Variants in MMD2 observed in about 807,000 individuals in gnomAD.
MMD2 encodes the protein monocyte to macrophage differentiation associated 2, also known as monocyte to macrophage differentiation factor 2.
In MMD2, 30 loss-of-function variants were observed where a neutral mutation model predicts 33.5. That is an observed-to-expected ratio of 0.90 (90% confidence interval 0.67 to 1.22). MMD2 has a LOEUF of 1.22. MMD2 is among the 50% of genes most tolerant of loss of function. The pLI is 0.00. For synonymous variants in MMD2, 129 were observed against 123.0 expected, an observed-to-expected ratio of 1.05 and a Z score of -0.32; for missense variants, 364 against 325.4, an observed-to-expected ratio of 1.12 and a Z score of -0.91.
Position 4,911,214 on chromosome 7 carries a change from G to C in MMD2, c.398C>G (p.Ser133Cys). ...AATCCAGACCAGCCAGCGCATGTGG[G>C]AGGCCCAGGGGCCCAGCTCCCGAAG... ...LNLRELGPWA[S>C]HMRWLVWIMA... Residue 133 changes from serine to cysteine, a missense_variant, in exon 5 of 7, where the codon TCC (serine) becomes TGC (cysteine). Coordinates refer to ENST00000401401, the MANE Select transcript of MMD2 (RefSeq NM_198403.4). 4 of 1,600,826 alleles carry C rather than the reference G, an allele frequency of 2.5e-6. No homozygotes were observed. Among genetic ancestry groups the C allele is most frequent in the Non-Finnish European group, 3.4e-6 (4 of 1,174,246 alleles).
chr7:4,928,548 A>G (rs1345033649), intron 1 of MMD2, among the ~76,000 whole-genome samples: 1 of 152,000 alleles, frequency 6.6e-6, no homozygotes, highest in Non-Finnish European at 1.5e-5. Flanking sequence ...CTCATGGAGC[A>G]CTTATTAGGC....
intron 6 of MMD2, 122 bp downstream of exon 6, chr7:4,909,759 C>G: frequency 2.2e-6 from 3 of 1,339,878 alleles, no homozygotes; most frequent in Non-Finnish European, 3.1e-6. Context: ...ACAAGTCATG[C>G]CAGGCCTCAG....
intron 1 of MMD2, among the ~76,000 whole-genome samples, chr7:4,944,928 T>A (rs1171408717): frequency 6.7e-6 from 1 of 149,532 alleles, no homozygotes; most frequent in African/African-American, 2.5e-5. Context: ...CCACCATGCC[T>A]GGCTAATTTT....
At chr7:4,910,663 C>G (rs983122316) in intron 5 of MMD2, among the ~76,000 whole-genome samples, 2 of 152,018 alleles carry the variant, frequency 1.3e-5, no homozygotes, top group Admixed American at 6.6e-5. Flanking sequence ...GAGTCTTGCT[C>G]TGTCGCCCAG....
rs571765661 is a variant in MMD2, at chr7:4,938,508, G to A, written c.48-12976C>T. On this transcript the variant is annotated intron_variant, in intron 1 of 6. Coordinates refer to ENST00000401401, the MANE Select transcript of MMD2 (RefSeq NM_198403.4). ...CCACTAATGCCTCACCCTCAAGACC[G>A]CAGCTAATCCTAATCACCTCCCAAA... 7.2e-5 allele frequency among the ~76,000 whole-genome samples: 11 copies of A among 152,140 alleles called. No homozygotes were observed. The East Asian group carries it at 1.9e-3, about 27-fold the overall frequency.
intron 1 of MMD2, among the ~76,000 whole-genome samples, chr7:4,927,915 T>C (rs1435231444): frequency 2.0e-5 from 3 of 152,168 alleles, no homozygotes; most frequent in African/African-American, 4.8e-5. Flanking sequence ...CCAGCCCTGG[T>C]TGACTCCGAC....
chr7:4,906,919 A>C lies in MMD2; in HGVS notation c.*477T>G. On this transcript the variant is annotated 3_prime_UTR_variant, in exon 7 of 7. Coordinates refer to ENST00000401401, the MANE Select transcript of MMD2 (RefSeq NM_198403.4). Reference sequence around the variant, plus strand: ...ATGTCTGCCATGGTCACAGCCATTCACCATCCCTCATCTTCAAGCTGGGCT... The same window carrying C: ...ATGTCTGCCATGGTCACAGCCATTCCCCATCCCTCATCTTCAAGCTGGGCT... The C allele has an allele frequency of 8.3e-6, 2 of 241,114 alleles. No homozygotes were observed. Among genetic ancestry groups the C allele is most frequent in the Non-Finnish European group, 1.6e-5 (2 of 124,730 alleles). 14.9% of individuals were successfully genotyped at this position (241,114 alleles called of 1,614,324 possible). A position where few individuals can be genotyped will look rare whatever the true frequency, so the allele number is the denominator to read the frequency against.
intron 1 of MMD2, among the ~76,000 whole-genome samples, chr7:4,948,913 G>C (rs149088379): frequency 3.0e-4 from 45 of 152,206 alleles, no homozygotes; most frequent in Non-Finnish European, 4.4e-4. Flanking sequence ...CCAAGCTCAG[G>C]TGATCCTCCC....
intron 1 of MMD2, among the ~76,000 whole-genome samples, chr7:4,933,040 CTG>C: frequency 6.6e-6 from 1 of 150,678 alleles, no homozygotes; most frequent in Admixed American, 6.6e-5. Context: ...TGAAAAGAAA[CTG>C]TACTCTGAAT....
At chr7:4,949,432 A>G (rs571750952) in intron 1 of MMD2, among the ~76,000 whole-genome samples, 7 of 151,836 alleles carry the variant, frequency 4.6e-5, no homozygotes, top group Admixed American at 1.3e-4. Context: ...AGAACATGCA[A>G]TGTTTGTCTT....
intron 1 of MMD2, among the ~76,000 whole-genome samples, chr7:4,945,206 C>CTTCTTCTTCTTCTTCTTCTTCTTCTTCTT (rs1786033640): frequency 5.0e-5 from 7 of 140,094 alleles, no homozygotes; most frequent in African/African-American, 1.9e-4. Context: ...TCTTCTTCTT[C>CTTCTTCTTCTTCTTCTTCTTCTTCTTCTT]TTCTTCTTCT....
At chr7:4,935,677 C>CAAAAAAAAAAAAAAAAAAAAACAAAAA (rs11337982) in intron 1 of MMD2, among the ~76,000 whole-genome samples, 1 of 86,308 alleles carries the variant, frequency 1.2e-5, no homozygotes. Flanking sequence ...GACCCTGTCT[C>CAAAAAAAAAAAAAAAAAAAAACAAAAA]AAAAAAAAAA....
chr7:4,942,101 G>A (rs926998101), intron 1 of MMD2, among the ~76,000 whole-genome samples: 8 of 151,830 alleles, frequency 5.3e-5, no homozygotes, highest in African/African-American at 1.5e-4. Context: ...CTACAGGCAC[G>A]TGCCACCATG....
chr7:4,946,157 G>A lies in MMD2; in HGVS notation c.47+12814C>T, dbSNP rs1348673768. On this transcript the variant is annotated intron_variant, in intron 1 of 6. Coordinates refer to ENST00000401401, the MANE Select transcript of MMD2 (RefSeq NM_198403.4). This position sits in a 1 kb window ranked among gnomAD's most constrained non-coding sequence, Gnocchi z 5.0. ...CACACGCACGCACACCCACACCCGC[G>A]CGCACACCTGCACACATGCACACAC... is the stretch of plus-strand genomic sequence containing the variant. 1.4e-5 allele frequency among the ~76,000 whole-genome samples: 2 copies of A among 147,026 alleles called. No individual in the cohort carries two copies. Among genetic ancestry groups the A allele is most frequent in the Non-Finnish European group, 3.0e-5 (2 of 66,834 alleles).
chr7:4,913,883 G>A (rs868126352), intron 4 of MMD2, among the ~76,000 whole-genome samples: 2 of 151,924 alleles, frequency 1.3e-5, no homozygotes, highest in Non-Finnish European at 2.9e-5. Flanking sequence ...GGATGGTCTC[G>A]ATCTCCTGAC....
intron 4 of MMD2, among the ~76,000 whole-genome samples, chr7:4,915,600 C>T (rs1226669188): frequency 1.3e-5 from 2 of 151,584 alleles, no homozygotes; most frequent in African/African-American, 4.8e-5. Context: ...ATTAGCTGGG[C>T]GTGGTGGCGC....
At chr7:4,948,648 T>C (rs1446320634) in intron 1 of MMD2, among the ~76,000 whole-genome samples, 1 of 152,176 alleles carries the variant, frequency 6.6e-6, no homozygotes, top group African/African-American at 2.4e-5. Flanking sequence ...ATGGGATTAG[T>C]GCCCTTAGAA....
chr7:4,943,612 T>A (rs2115145413), intron 1 of MMD2, among the ~76,000 whole-genome samples: 1 of 152,120 alleles, frequency 6.6e-6, no homozygotes, highest in East Asian at 1.9e-4. Context: ...AACCTCTAGA[T>A]ATGGAGACCA....
At chr7:4,936,215 A>G (rs1359462552) in intron 1 of MMD2, among the ~76,000 whole-genome samples, 4 of 151,930 alleles carry the variant, frequency 2.6e-5, no homozygotes, top group Admixed American at 6.6e-5. Flanking sequence ...AAAAAAATGT[A>G]AAGTGTAACC....
Sources: gnomAD v4.1 joint callset for allele counts (sites outside exome capture counted in the v4.1 genomes callset) on GRCh38, gnomAD v4.1.1 for gene constraint, Gnocchi (gnomAD v3.1) non-coding constraint, MANE v1.5 for transcripts, NCBI Gene and HGNC (gene_info 2026-07-23, HGNC 2026-07-21) for gene names.